INPP5D: variants seen among roughly 807,000 people sequenced by gnomAD.
INPP5D encodes phosphatidylinositol 3,4,5-trisphosphate 5-phosphatase 1.
INPP5D carries 33 observed loss-of-function variants against 122.9 expected under a neutral mutation model. That is an observed-to-expected ratio of 0.27 (90% CI 0.20 to 0.36). INPP5D has a LOEUF of 0.36. Among genes scored for constraint, INPP5D ranks in the 10% least tolerant of loss-of-function variants. The pLI is 1.00. For missense variants in INPP5D, 1,053 were observed against 1,412.7 expected, an observed-to-expected ratio of 0.75 and a Z score of 4.08; for synonymous variants, 584 against 576.2, an observed-to-expected ratio of 1.01 and a Z score of -0.19.
At chr2:233,069,033 C>T (rs540086263) in intron 1 of INPP5D, among the ~76,000 whole-genome samples, 218 of 152,262 alleles carry the variant, frequency 1.4e-3, no homozygotes, top group African/African-American at 4.8e-3. Flanking sequence ...GGGCTGAGGA[C>T]GATGGAAGGA....
intron 6 of INPP5D, 39 bp downstream of exon 6, chr2:233,139,968 C>G (rs1693599648): frequency 2.5e-6 from 1 of 397,322 alleles, no homozygotes; most frequent in African/African-American, 2.1e-5. Context: ...GATTAATACC[C>G]CAGGGAGGAG....
intron 2 of INPP5D, among the ~76,000 whole-genome samples, chr2:233,112,035 G>T (rs180876185): frequency 4.2e-4 from 63 of 148,340 alleles, no homozygotes; most frequent in Middle Eastern, 3.5e-3. Flanking sequence ...CTGCGCTCCA[G>T]CCTGGACAAC....
intron 21 of INPP5D, among the ~76,000 whole-genome samples, chr2:233,186,575 G>A (rs1423286016): frequency 1.3e-5 from 2 of 151,546 alleles, no homozygotes; most frequent in Non-Finnish European, 2.9e-5. Context: ...GCCAAGGCAG[G>A]GGGATTGCTT....
chr2:233,085,373 A>G (rs1691802946), intron 2 of INPP5D, among the ~76,000 whole-genome samples: 1 of 151,802 alleles, frequency 6.6e-6, no homozygotes, highest in Non-Finnish European at 1.5e-5. Flanking sequence ...TGACAGAGCA[A>G]GACTGTCTCA....
chr2:233,131,689 G>A (rs10174016), intron 5 of INPP5D, among the ~76,000 whole-genome samples: 5,869 of 152,280 alleles, frequency 0.039, 133 homozygotes, highest in African/African-American at 0.055. Context: ...AACAGAGCAA[G>A]ACTCCGTCTC....
intron 9 of INPP5D, among the ~76,000 whole-genome samples, chr2:233,156,463 GT>G (rs1341022170): frequency 6.6e-6 from 1 of 152,032 alleles, no homozygotes; most frequent in Non-Finnish European, 1.5e-5. Context: ...CTAATTTTTT[GT>G]TTTGTATTTT....
intron 2 of INPP5D, among the ~76,000 whole-genome samples, chr2:233,084,508 C>T (rs1691779668): frequency 6.6e-6 from 1 of 152,226 alleles, no homozygotes; most frequent in Non-Finnish European, 1.5e-5. Flanking sequence ...GACTCAAGTC[C>T]CTGGTCCCTG....
intron 4 of INPP5D, among the ~76,000 whole-genome samples, chr2:233,126,493 C>G (rs564936366): frequency 2.6e-5 from 4 of 152,188 alleles, no homozygotes; most frequent in Non-Finnish European, 5.9e-5. Context: ...TTGGTTCTTC[C>G]CTGGGCTCTC....
intron 25 of INPP5D, among the ~76,000 whole-genome samples, chr2:233,201,288 A>G (rs925950369): frequency 6.6e-6 from 1 of 152,228 alleles, no homozygotes; most frequent in African/African-American, 2.4e-5. Context: ...AGAAAGAAAA[A>G]GGAGCATGAT....
intron 24 of INPP5D, among the ~76,000 whole-genome samples, chr2:233,196,178 A>ATG (rs1695178945): frequency 6.6e-6 from 1 of 152,188 alleles, no homozygotes; most frequent in Admixed American, 6.5e-5. Context: ...GCCTGTGAGA[A>ATG]GGTGAACTGA....
At chr2:233,145,958 T>C (rs1054620058) in intron 6 of INPP5D, 1 of 695,028 alleles carries the variant, frequency 1.4e-6, no homozygotes, top group African/African-American at 1.8e-5. Context: ...GAAGAAGAAA[T>C]GAAGATCTAT....
chr2:233,147,163 G>A (rs1259972035), intron 8 of INPP5D, among the ~76,000 whole-genome samples: 1 of 152,186 alleles, frequency 6.6e-6, no homozygotes, highest in Non-Finnish European at 1.5e-5. Context: ...TCAGATTAAT[G>A]AGTGTTGTCA....
intron 2 of INPP5D, among the ~76,000 whole-genome samples, chr2:233,101,975 A>G (rs1305423380): frequency 6.6e-6 from 1 of 151,912 alleles, no homozygotes; most frequent in Admixed American, 6.6e-5. Flanking sequence ...TAGCACAGTT[A>G]GCAGAGCAGG....
Position 233,164,281 on chromosome 2 carries a change from G to C in INPP5D, c.1438-26G>C. The C allele has an allele frequency of 2.0e-6, 3 of 1,536,786 alleles. No homozygotes were observed. Among genetic ancestry groups the C allele is most frequent in the Non-Finnish European group, 2.6e-6 (3 of 1,138,686 alleles). On this transcript the variant is annotated intron_variant, in intron 12 of 26. Coordinates refer to ENST00000445964, the MANE Select transcript of INPP5D (RefSeq NM_001017915.3). The surrounding 1 kb of genome is among the most constrained non-coding windows in gnomAD (Gnocchi z 4.3). ...GGTTCACACCCTACACTTGGGCCGA[G>C]TATTGCAACGTTGTCCTCCCACCAG...
chr2:233,146,510 T>C (rs1368290123), intron 8 of INPP5D, 72 bp downstream of exon 8: 2 of 701,174 alleles, frequency 2.9e-6, no homozygotes, highest in South Asian at 1.5e-5. Flanking sequence ...TTCTTGTTCC[T>C]GTGGAAAGAG....
chr2:233,184,591 G>T, intron 20 of INPP5D, 70 bp downstream of exon 20: 1 of 1,572,498 alleles, frequency 6.4e-7, no homozygotes, highest in African/African-American at 1.4e-5. Flanking sequence ...TTTCATACTT[G>T]GCACTTTGCC....
chr2:233,203,170 T>C (rs1456567777), intron 25 of INPP5D, among the ~76,000 whole-genome samples: 1 of 152,188 alleles, frequency 6.6e-6, no homozygotes, highest in African/African-American at 2.4e-5. Flanking sequence ...CACCCTCAAG[T>C]AGCACAAGTG....
intron 2 of INPP5D, among the ~76,000 whole-genome samples, chr2:233,095,870 A>G (rs747152033): frequency 1.4e-4 from 22 of 152,094 alleles, no homozygotes; most frequent in Admixed American, 3.3e-4. Flanking sequence ...AGTTTCTCAG[A>G]TACTGTTTTC....
chr2:233,088,387 A>G (rs1691907306), intron 2 of INPP5D, among the ~76,000 whole-genome samples: 1 of 152,158 alleles, frequency 6.6e-6, no homozygotes, highest in Non-Finnish European at 1.5e-5. Context: ...TGGGTCATAA[A>G]GGCCTTGCCT....
Sources: gnomAD v4.1 joint callset for allele counts (sites outside exome capture counted in the v4.1 genomes callset) on GRCh38, gnomAD v4.1.1 for gene constraint, Gnocchi (gnomAD v3.1) non-coding constraint, MANE v1.5 for transcripts, NCBI Gene and HGNC (gene_info 2026-07-23, HGNC 2026-07-21) for gene names.